Variants in MTRR observed in about 807,000 individuals in gnomAD.
The protein encoded by MTRR is methionine synthase reductase.
In MTRR, 63 loss-of-function variants were observed where a neutral mutation model predicts 79.2. That is an observed-to-expected ratio of 0.80 (90% CI 0.65 to 0.98). MTRR has a LOEUF of 0.98. MTRR is among the 50% of genes least tolerant of loss of function. The pLI is 0.00. For synonymous variants in MTRR, 355 were observed against 313.3 expected (o/e 1.13, Z -1.41); for missense variants, 895 against 839.6 (o/e 1.07, Z -0.82).
intron 1 of MTRR, chr5:7,856,969 C>G (rs961426331): frequency 6.6e-6 from 1 of 152,042 alleles, no homozygotes; most frequent in Non-Finnish European, 1.5e-5. Context: ...CTGCCATCTA[C>G]ACACACACTC....
rs1736473288 is a variant in MTRR at position 7,886,597 on chromosome 5, C to T, written c.1058-18C>T. 1.3e-6 allele frequency: 2 copies of T among 1,581,262 alleles called. No homozygotes were observed. The highest frequency in any genetic ancestry group is 1.3e-5 in the African/African-American group (1 of 74,126). On this transcript the variant is annotated intron_variant, in intron 7 of 14. Transcript: ENST00000440940. ...ATCTTCTATGTCATGAACCCCTTTC[C>T]CGTCTTTACCTGAAAAGGAGCTACC...
At chr5:7,862,242 G>A (rs1185635911) in intron 2 of MTRR, among the ~76,000 whole-genome samples, 4 of 152,168 alleles carry the variant, frequency 2.6e-5, no homozygotes, top group Non-Finnish European at 2.9e-5. Flanking sequence ...TAGAAGAACT[G>A]TAAGGACGGA....
In MTRR at chr5:7,854,731, G is replaced by A. The variant is rs374787521; in HGVS notation, n.391+3146G>A. Among the ~76,000 whole-genome samples, 8 of 152,256 alleles carry A rather than the reference G, an allele frequency of 5.3e-5. No individual in the cohort carries two copies. In the South Asian group the frequency reaches 1.0e-3, roughly 20 times the overall value. ...CATGAGAATTATGGAGATTTGGGTC[G>A]GGACGTAGAGCCAAACCATATCAGT... On this transcript the variant is annotated intron_variant and non_coding_transcript_variant, in intron 1 of 3. Transcript: ENST00000502509.
rs1235903278 is a variant in MTRR, at chr5:7,885,811, G to A, written c.1014G>A (p.Glu338=). 2 of 1,614,034 alleles carry A rather than the reference G, an allele frequency of 1.2e-6. No homozygotes were observed. Among genetic ancestry groups the A allele is most frequent in the Non-Finnish European group, 8.5e-7 (1 of 1,180,012 alleles). ...GACTGCAGCTTGAAGATAAAAGAGA[G>A]CACTGCGTCCTTTTGAAAATAAAGG... ...LQRLQLEDKR[E]HCVLLKIKAD... Residue 338 remains glutamate, a synonymous_variant, in exon 7 of 15, where the codon GAG becomes GAA. Transcript: ENST00000440940.
intron 5 of MTRR, among the ~76,000 whole-genome samples, chr5:7,879,842 G>T (rs1461567325): frequency 6.6e-6 from 1 of 152,158 alleles, no homozygotes; most frequent in East Asian, 1.9e-4. Context: ...AGAGCGGCAG[G>T]ACCTGTTAAC....
At chr5:7,885,987 G>A in intron 7 of MTRR, 133 bp downstream of exon 7, 1 of 1,180,728 alleles carries the variant, frequency 8.5e-7, no homozygotes, top group Non-Finnish European at 1.3e-6. Flanking sequence ...TGCGCATCAA[G>A]GTCTGGGAAC....
chr5:7,869,309 G>T, intron 1 of MTRR, 94 bp downstream of exon 1: 4 of 1,486,328 alleles, frequency 2.7e-6, no homozygotes, highest in South Asian at 2.3e-5. Context: ...GTGGGCAGCC[G>T]GCTTGCGCCC....
chr5:7,852,907 G>T (rs1561077728), intron 1 of MTRR, among the ~76,000 whole-genome samples: 1 of 152,098 alleles, frequency 6.6e-6, no homozygotes, highest in Non-Finnish European at 1.5e-5. Context: ...ATTATCTTGG[G>T]AATTCAGCTA....
intron 2 of MTRR, 104 bp downstream of exon 2, chr5:7,871,027 T>C (rs1747890853): frequency 7.5e-7 from 1 of 1,338,742 alleles, no homozygotes; most frequent in Non-Finnish European, 1.1e-6. Context: ...CACATAGTCT[T>C]TGTTTTTTAA....
chr5:7,886,589 C>T lies in MTRR; in HGVS notation c.1058-26C>T, dbSNP rs183995798. 1.1e-5 allele frequency: 16 copies of T among 1,520,754 alleles called. No homozygotes were observed. The Middle Eastern group carries it at 5.1e-4, about 48-fold the overall frequency. The allele number at this position is 1,520,754 out of a possible 1,614,324, so 94.2% of individuals were successfully genotyped here. A position where few individuals can be genotyped will look rare whatever the true frequency, so the allele number is the denominator to read the frequency against. ...TATTCTTCATCTTCTATGTCATGAACCCCTTTCCCGTCTTTACCTGAAAAG... is the reference window on the plus strand; with the variant it reads ...TATTCTTCATCTTCTATGTCATGAATCCCTTTCCCGTCTTTACCTGAAAAG... On this transcript the variant is annotated intron_variant, in intron 7 of 14. Coordinates refer to ENST00000440940, the MANE Select transcript of MTRR (RefSeq NM_002454.3).
At chr5:7,897,287 A>G (rs553269822) in intron 14 of MTRR, 40 bp downstream of exon 14, 6 of 1,601,102 alleles carry the variant, frequency 3.7e-6, no homozygotes, top group Non-Finnish European at 2.6e-6. Context: ...GGAGAGGGCC[A>G]TCAGTGATGT....
chr5:7,875,371 G>C lies in MTRR; in HGVS notation c.397G>C (p.Val133Leu), dbSNP rs770923981. 26 of 1,606,188 alleles carry C rather than the reference G, an allele frequency of 1.6e-5. No individual in the cohort carries two copies. The highest frequency in any genetic ancestry group is 2.2e-5 in the Non-Finnish European group (26 of 1,172,786). The change falls in exon 4 of 15, where the codon GTA becomes CTA. Residue 133 changes from valine (V) to leucine (L), a missense_variant. By Grantham distance (32) the Val-to-Leu change is conservative (BLOSUM62 1). Coordinates refer to ENST00000440940, the MANE Select transcript of MTRR (RefSeq NM_002454.3). ...TGACACTGGACATGCAGATGACTGT[G>C]TAGGGTAAGGGCAGTGTTCTCTGTT... ...FYDTGHADDC[V>L]GLELVVEPWI...
chr5:7,891,778 C>G (rs1737630906), intron 10 of MTRR, among the ~76,000 whole-genome samples: 1 of 152,092 alleles, frequency 6.6e-6, no homozygotes, highest in African/African-American at 2.4e-5. Flanking sequence ...CGTGGTGACT[C>G]ACTCCTGTAA....
intron 14 of MTRR, 64 bp downstream of exon 14, chr5:7,897,311 A>G: frequency 6.5e-7 from 1 of 1,546,870 alleles, no homozygotes; most frequent in Non-Finnish European, 8.9e-7. Flanking sequence ...TAGAAGAAAA[A>G]AAGGACCGAG....
rs781748543 is a variant in MTRR at position 7,878,192 on chromosome 5, C to G, written c.650C>G (p.Ser217Cys). ...CAAAATGCAGTGAACAGCAACCAAT[C>G]CAATGTTGTAATTGAAGACTTTGAG... ...LKQNAVNSNQ[S>C]NVVIEDFESS... Residue 217 changes from serine to cysteine, a missense_variant, in exon 5 of 15, where the codon TCC (serine) becomes TGC (cysteine). Physicochemically the swap from Ser to Cys is moderately radical, Grantham distance 112. Transcript: ENST00000440940. 1 of 1,614,192 alleles carries G rather than the reference C, an allele frequency of 6.2e-7. No individual in the cohort carries two copies. The highest frequency in any genetic ancestry group is 2.2e-5 in the East Asian group (1 of 44,880).
At chr5:7,886,133 G>A (rs1440339211) in intron 7 of MTRR, among the ~76,000 whole-genome samples, 1 of 152,076 alleles carries the variant, frequency 6.6e-6, no homozygotes, top group Non-Finnish European at 1.5e-5. Flanking sequence ...AGAAGCATTG[G>A]CCTAGGTTAT....
rs762745815 is a variant in MTRR at position 7,883,232 on chromosome 5, G to C, written c.858G>C (p.Thr286=). The C allele has an allele frequency of 3.1e-6, 5 of 1,614,190 alleles. No individual in the cohort carries two copies. The Admixed American group carries it at 6.7e-5, about 22-fold the overall frequency. The change falls in exon 6 of 15, where the codon ACG becomes ACC. Residue 286 remains threonine (T), a synonymous_variant. Transcript: ENST00000440940. ...TTTCAAAGGCAGTTCAACTTACTAC[G>C]AATGATGCCATAAAAACCACTCTGC... ...VPISKAVQLT[T]NDAIKTTLLV...
intron 1 of MTRR, among the ~76,000 whole-genome samples, chr5:7,851,878 C>G (rs570195699): frequency 6.6e-6 from 1 of 152,210 alleles, no homozygotes; most frequent in East Asian, 1.9e-4. Flanking sequence ...AAGTTAAAAA[C>G]AAACAAACAA....
rs2126645040 is a variant in MTRR at position 7,870,876 on chromosome 5, G to C, written c.82G>C (p.Val28Leu). 1 of 1,614,160 alleles carries C rather than the reference G, an allele frequency of 6.2e-7. No individual in the cohort carries two copies. The highest frequency in any genetic ancestry group is 2.2e-5 in the East Asian group (1 of 44,872). The part of the protein sequence containing the change: ...IAEEICEQAV[V>L]HGFSADLHCI... ...AGAAGAAATATGTGAGCAAGCTGTGGTACATGGATTTTCTGCAGATCTTCA... is the reference window on the plus strand; with the variant it reads ...AGAAGAAATATGTGAGCAAGCTGTGCTACATGGATTTTCTGCAGATCTTCA... The change falls in exon 2 of 15, where the codon GTA becomes CTA. Residue 28 changes from valine (V) to leucine (L), a missense_variant. Coordinates refer to ENST00000440940, the MANE Select transcript of MTRR (RefSeq NM_002454.3).
Sources: gnomAD v4.1 joint callset for allele counts (sites outside exome capture counted in the v4.1 genomes callset) on GRCh38, gnomAD v4.1.1 for gene constraint, MANE v1.5 for transcripts, NCBI Gene and HGNC (gene_info 2026-07-23, HGNC 2026-07-21) for gene names.